The following SPAG17 variants were observed in gnomAD, a reference collection of about 807,000 sequenced individuals.
SPAG17 encodes sperm-associated antigen 17.
A neutral mutation model predicts 273.6 loss-of-function variants in SPAG17; 169 were observed. That is an observed-to-expected ratio of 0.62 (90% CI 0.55 to 0.70). SPAG17 has a LOEUF of 0.70. SPAG17 is among the 30% of genes least tolerant of loss of function. SPAG17 has a pLI of 0.00. For missense variants in SPAG17, 2,557 were observed against 2,627.8 expected, an observed-to-expected ratio of 0.97 and a Z score of 0.59; for synonymous variants, 825 against 873.2, an observed-to-expected ratio of 0.94 and a Z score of 0.97.
chr1:117,991,660 C>T, intron 36 of SPAG17, 132 bp from the exon 37 acceptor site: 1 of 531,956 alleles, frequency 1.9e-6, no homozygotes. Context: ...CAACTGTTTA[C>T]TAGTCAAACA....
intron 1 of SPAG17, among the ~76,000 whole-genome samples, chr1:118,176,348 C>T (rs1660697523): frequency 6.6e-6 from 1 of 152,100 alleles, no homozygotes. Flanking sequence ...TATAAAGACA[C>T]ACATAACCTG....
intron 38 of SPAG17, among the ~76,000 whole-genome samples, chr1:117,990,541 G>T (rs1471724460): frequency 6.6e-6 from 1 of 152,156 alleles, no homozygotes; most frequent in African/African-American, 2.4e-5. Flanking sequence ...CTGTTGGTTG[G>T]TTGACTGTTT....
chr1:118,009,118 A>G (rs1659201581), intron 30 of SPAG17, among the ~76,000 whole-genome samples: 1 of 152,132 alleles, frequency 6.6e-6, no homozygotes, highest in Admixed American at 6.6e-5. Flanking sequence ...GTCAAAGCAT[A>G]TAAAGTTACA....
At chr1:118,157,348 G>A (rs1294778909) in intron 1 of SPAG17, among the ~76,000 whole-genome samples, 2 of 152,084 alleles carry the variant, frequency 1.3e-5, no homozygotes, top group Non-Finnish European at 1.5e-5. Context: ...GCAGCAATGC[G>A]CTATGTGGAT....
intron 27 of SPAG17, 47 bp from the exon 28 acceptor site, chr1:118,023,510 G>A: frequency 8.3e-6 from 13 of 1,575,530 alleles, no homozygotes; most frequent in Non-Finnish European, 1.0e-5. Flanking sequence ...GCAAGAGAGA[G>A]GTTGTTTAAC....
intron 30 of SPAG17, among the ~76,000 whole-genome samples, chr1:118,010,776 C>G (rs1659388645): frequency 6.6e-6 from 1 of 152,144 alleles, no homozygotes; most frequent in African/African-American, 2.4e-5. Flanking sequence ...ACTAAACTGA[C>G]AACCTACAGA....
chr1:118,020,704 T>C (rs1365914027), intron 28 of SPAG17, among the ~76,000 whole-genome samples: 1 of 152,132 alleles, frequency 6.6e-6, no homozygotes, highest in African/African-American at 2.4e-5. Context: ...ATTGATGTAG[T>C]AGATTAAAAA....
Position 118,031,764 on chromosome 1 carries a change from C to A in SPAG17, c.3537G>T (p.Gly1179=). 6.2e-7 allele frequency: 1 copy of A among 1,613,694 alleles called. No individual in the cohort carries two copies. Among genetic ancestry groups the A allele is most frequent in the Non-Finnish European group, 8.5e-7 (1 of 1,179,796 alleles). The change falls in exon 25 of 49, where the codon GGG becomes GGT. Residue 1179 remains glycine, a synonymous_variant. Transcript: ENST00000336338. ...IVTVPQSKAK[G]KIKGKEKPKE... ...TGGGTTTTTCTTTGCCTTTTATTTT[C>A]CCTTTAGCTTTGCTTTGAGGAACGG...
chr1:118,181,348 G>A (rs1308180929), intron 1 of SPAG17, among the ~76,000 whole-genome samples: 1 of 151,698 alleles, frequency 6.6e-6, no homozygotes, highest in Non-Finnish European at 1.5e-5. Flanking sequence ...CTGGCAGAAT[G>A]GATTAAAAAA....
chr1:117,995,707 C>T (rs1571183915), intron 34 of SPAG17, among the ~76,000 whole-genome samples: 1 of 149,792 alleles, frequency 6.7e-6, no homozygotes, highest in South Asian at 2.2e-4. Context: ...CACACACACA[C>T]ACACACACAC....
chr1:118,149,615 CAG>C (rs1448598743), intron 3 of SPAG17, among the ~76,000 whole-genome samples: 1 of 152,200 alleles, frequency 6.6e-6, no homozygotes, highest in Non-Finnish European at 1.5e-5. Context: ...ATAAAATTCA[CAG>C]CACTGTCTAT....
chr1:118,111,024 C>A (rs1483949034), intron 4 of SPAG17, among the ~76,000 whole-genome samples: 1 of 152,110 alleles, frequency 6.6e-6, no homozygotes, highest in South Asian at 2.1e-4. Flanking sequence ...CTCATAAAGT[C>A]ATTTAAAAGA....
At chr1:118,147,903 A>C (rs1480671920) in intron 3 of SPAG17, among the ~76,000 whole-genome samples, 1 of 152,212 alleles carries the variant, frequency 6.6e-6, no homozygotes, top group Non-Finnish European at 1.5e-5. Flanking sequence ...TGCTGCTTCT[A>C]ATCAACCACA....
chr1:118,062,959 G>C (rs1174703948), intron 18 of SPAG17, among the ~76,000 whole-genome samples: 1 of 152,082 alleles, frequency 6.6e-6, no homozygotes. Context: ...ACATAGCCAA[G>C]TGTTTAAAAT....
chr1:117,994,312 T>C, intron 35 of SPAG17, 94 bp downstream of exon 35: 1 of 1,277,068 alleles, frequency 7.8e-7, no homozygotes, highest in Non-Finnish European at 1.1e-6. Flanking sequence ...AATGAAAATA[T>C]ATGAATATAT....
intron 20 of SPAG17, among the ~76,000 whole-genome samples, chr1:118,050,459 A>G (rs144323812): frequency 3.3e-4 from 51 of 152,290 alleles, no homozygotes; most frequent in African/African-American, 1.2e-3. Context: ...ATATGGATTC[A>G]CCACTGGTAA....
chr1:118,005,580 G>C lies in SPAG17; in HGVS notation c.4610C>G (p.Ser1537Cys), dbSNP rs2101738772. Residue 1537 changes from serine (S) to cysteine (C), a missense_variant, in exon 32 of 49, where the codon TCT becomes TGT. Physicochemically the swap from Ser to Cys is moderately radical, Grantham distance 112. Coordinates refer to ENST00000336338, the MANE Select transcript of SPAG17 (RefSeq NM_206996.4). ...TGAACAATCCTTGTCAATATAAAGA[G>C]AGCCTGTGTTTGGAGGTAACACCTG... ...TYQVLPPNTG[S>C]LYIDKDCSAV... 2 of 1,541,236 alleles carry C rather than the reference G, an allele frequency of 1.3e-6. No homozygotes were observed. The highest frequency in any genetic ancestry group is 1.7e-6 in the Non-Finnish European group (2 of 1,143,796).
At chr1:118,076,767 C>T (rs1654133550) in intron 15 of SPAG17, among the ~76,000 whole-genome samples, 2 of 151,806 alleles carry the variant, frequency 1.3e-5, no homozygotes, top group Non-Finnish European at 2.9e-5. Context: ...TGCTTTCAAC[C>T]ACATAATCCT....
intron 4 of SPAG17, among the ~76,000 whole-genome samples, chr1:118,114,161 CAA>C (rs2102252994): frequency 6.6e-6 from 1 of 152,178 alleles, no homozygotes; most frequent in South Asian, 2.1e-4. Flanking sequence ...TTTCTTCTGT[CAA>C]GTCTTAATTA....
Sources: gnomAD v4.1 joint callset for allele counts (sites outside exome capture counted in the v4.1 genomes callset) on GRCh38, gnomAD v4.1.1 for gene constraint, MANE v1.5 for transcripts, NCBI Gene and HGNC (gene_info 2026-07-23, HGNC 2026-07-21) for gene names.